Variants in PEX14 observed in about 807,000 individuals in gnomAD.
PEX14 encodes the protein peroxisomal membrane protein PEX14.
In PEX14, 15 loss-of-function variants were observed where a neutral mutation model predicts 49.5. That is an observed-to-expected ratio of 0.30 (90% confidence interval 0.20 to 0.47). The LOEUF (loss-of-function observed/expected upper bound fraction) is 0.47, where lower values mean the gene tolerates loss of function less well. PEX14 is among the 20% of genes least tolerant of loss of function. The probability of loss-of-function intolerance (pLI) is 1.00; values close to 1 mark genes in which losing one functional copy is unlikely to be tolerated. For synonymous variants in PEX14, 210 were observed against 212.7 expected, an observed-to-expected ratio of 0.99 and a Z score of 0.11; for missense variants, 398 against 494.8, an observed-to-expected ratio of 0.80 and a Z score of 1.86.
rs1640919289 is a variant in PEX14, at chr1:10,599,333, G to T, written c.265G>T (p.Val89Phe). 6.2e-7 allele frequency: 1 copy of T among 1,614,176 alleles called. No homozygotes were observed. Residue 89 changes from valine to phenylalanine, a missense_variant, in exon 4 of 9, where the codon GTC (valine) becomes TTC (phenylalanine). This residue lies in a region of PEX14 where 202 missense variants were observed against 298.5 expected (regional missense o/e 0.68). Transcript: ENST00000356607. The part of the protein sequence containing the change: ...SLGPATQVVP[V>F]QPPHLISQPY... ...GGGCCCAGCCACACAGGTGGTTCCT[G>T]TCCAGCCCCCTCACCTCATATCTCA...
chr1:10,488,667 T>A (rs1557807161), intron 1 of PEX14, among the ~76,000 whole-genome samples: 1 of 148,928 alleles, frequency 6.7e-6, no homozygotes, highest in East Asian at 2.0e-4. Context: ...GCCTGGCTAA[T>A]TTTTTTTTTG....
At chr1:10,603,499 G>A (rs1641043454) in intron 4 of PEX14, among the ~76,000 whole-genome samples, 1 of 152,070 alleles carries the variant, frequency 6.6e-6, no homozygotes, top group Non-Finnish European at 1.5e-5. Context: ...CCTGGTGTGA[G>A]CATAAACCAG....
intron 1 of PEX14, among the ~76,000 whole-genome samples, chr1:10,477,730 A>G (rs1281271221): frequency 2.0e-5 from 3 of 152,232 alleles, no homozygotes; most frequent in Non-Finnish European, 4.4e-5. Flanking sequence ...CTCTAAAGCC[A>G]GACCCACTGG....
intron 2 of PEX14, among the ~76,000 whole-genome samples, chr1:10,499,403 C>T (rs891886778): frequency 2.0e-5 from 3 of 151,450 alleles, no homozygotes; most frequent in African/African-American, 7.3e-5. Context: ...TTCTTTCTGT[C>T]CTCTTTCCTG....
At chr1:10,524,677 TTTGATTGATTGA>T (rs113020709) in intron 2 of PEX14, among the ~76,000 whole-genome samples, 1 of 71,180 alleles carries the variant, frequency 1.4e-5, no homozygotes, top group Non-Finnish European at 4.6e-5. Context: ...TGTGGAATCA[TTTGATTGATTGA>T]TTGATTGATT....
chr1:10,589,650 C>T (rs532350155), intron 3 of PEX14, among the ~76,000 whole-genome samples: 2 of 152,142 alleles, frequency 1.3e-5, no homozygotes, highest in African/African-American at 4.8e-5. Flanking sequence ...TGGGCTCAAG[C>T]AGTCTGCCCG....
intron 3 of PEX14, among the ~76,000 whole-genome samples, chr1:10,560,168 C>T (rs1639613359): frequency 6.6e-6 from 1 of 152,030 alleles, no homozygotes; most frequent in African/African-American, 2.4e-5. Flanking sequence ...AGCAATTCTC[C>T]TGCCTCAGCC....
intron 3 of PEX14, among the ~76,000 whole-genome samples, chr1:10,543,889 G>A (rs1343040413): frequency 2.0e-5 from 3 of 152,132 alleles, no homozygotes; most frequent in Non-Finnish European, 2.9e-5. Context: ...CATGAACCAC[G>A]GCACCTGGCC....
At chr1:10,555,766 C>T (rs1639470024) in intron 3 of PEX14, among the ~76,000 whole-genome samples, 1 of 152,162 alleles carries the variant, frequency 6.6e-6, no homozygotes, top group African/African-American at 2.4e-5. Context: ...AAGAAGCACA[C>T]AAGCTGCTGT....
chr1:10,555,836 A>G (rs754422506), intron 3 of PEX14, among the ~76,000 whole-genome samples: 1 of 152,210 alleles, frequency 6.6e-6, no homozygotes, highest in Non-Finnish European at 1.5e-5. Flanking sequence ...GCGTTGCATC[A>G]TAACAGCAGA....
chr1:10,532,542 A>G (rs1638679528), intron 2 of PEX14, among the ~76,000 whole-genome samples: 1 of 152,172 alleles, frequency 6.6e-6, no homozygotes, highest in Non-Finnish European at 1.5e-5. Context: ...CATATTTATC[A>G]CAGGCTCACC....
intron 3 of PEX14, among the ~76,000 whole-genome samples, chr1:10,542,729 C>G (rs1002316128): frequency 6.6e-6 from 1 of 152,014 alleles, no homozygotes; most frequent in African/African-American, 2.4e-5. Context: ...TCACCGCACT[C>G]CAGCCTGGGT....
rs144362955 is a variant in PEX14, at chr1:10,624,420, G to A, written c.568G>A (p.Glu190Lys). The A allele has an allele frequency of 6.8e-6, 11 of 1,611,528 alleles. No homozygotes were observed. In the South Asian group the frequency reaches 7.7e-5, roughly 11 times the overall value. The change falls in exon 7 of 9, where the codon GAG becomes AAG. Residue 190 changes from glutamate to lysine, a missense_variant. By Grantham distance (56) the Glu-to-Lys change is moderately conservative (BLOSUM62 1). This residue lies in a region of PEX14 where 202 missense variants were observed against 298.5 expected (regional missense o/e 0.68). Coordinates refer to ENST00000356607, the MANE Select transcript of PEX14 (RefSeq NM_004565.3). ...QQQKIQELAH[E>K]LAAAKATTST... The stretch of plus-strand genomic sequence containing the variant: ...GCAGAAGATCCAGGAGCTTGCCCAC[G>A]AGCTGGCCGCTGCCAAGGTACCTGT...
intron 4 of PEX14, among the ~76,000 whole-genome samples, chr1:10,612,906 T>C (rs1487406876): frequency 2.0e-5 from 3 of 152,256 alleles, no homozygotes; most frequent in African/African-American, 7.2e-5. Context: ...CTGATGAGCC[T>C]GGAGGCGACC....
chr1:10,475,470 T>C (rs551750710), intron 1 of PEX14, among the ~76,000 whole-genome samples: 70 of 152,300 alleles, frequency 4.6e-4, no homozygotes, highest in African/African-American at 1.6e-3. Flanking sequence ...GTGGTCACCT[T>C]TGCGCTTCTC....
intron 3 of PEX14, 100 bp downstream of exon 3, chr1:10,536,397 T>C: frequency 1.3e-6 from 1 of 793,890 alleles, no homozygotes; most frequent in South Asian, 1.4e-5. Context: ...TGCCAGGACT[T>C]CCTAGAGCTG....
intron 4 of PEX14, among the ~76,000 whole-genome samples, chr1:10,606,546 T>TG (rs1641132497): frequency 6.6e-6 from 1 of 152,226 alleles, no homozygotes; most frequent in Non-Finnish European, 1.5e-5. Context: ...GCCTCTGGGC[T>TG]GGGGAGGAAC....
chr1:10,575,213 A>C (rs1640087394), intron 3 of PEX14, among the ~76,000 whole-genome samples: 1 of 152,212 alleles, frequency 6.6e-6, no homozygotes, highest in Non-Finnish European at 1.5e-5. Context: ...TGTACCTAGA[A>C]GATGCAATAA....
intron 3 of PEX14, among the ~76,000 whole-genome samples, chr1:10,541,548 A>C (rs1639013617): frequency 6.6e-6 from 1 of 152,232 alleles, no homozygotes; most frequent in Admixed American, 6.5e-5. Context: ...CGGAGCAGGC[A>C]GGGCTGTGTG....
Sources: allele counts gnomAD v4.1 joint callset (sites outside exome capture counted in the v4.1 genomes callset), GRCh38; gene constraint gnomAD v4.1.1; regional missense constraint gnomAD v4.1.1; transcripts MANE v1.5; gene names NCBI Gene and HGNC (gene_info 2026-07-23, HGNC 2026-07-21).